The following ANTXR1 variants were observed in gnomAD, a reference collection of about 807,000 sequenced individuals.
ANTXR1 encodes the protein ANTXR cell adhesion molecule 1, also known as anthrax toxin receptor 1.
ANTXR1 carries 19 observed loss-of-function variants against 78.1 expected under a neutral mutation model. The observed-to-expected ratio is 0.24, with a 90% CI of 0.17 to 0.36. ANTXR1 has a LOEUF of 0.36. Among genes scored for constraint, ANTXR1 ranks in the 10% least tolerant of loss-of-function variants. The probability of loss-of-function intolerance (pLI) is 1.00; values close to 1 mark genes in which losing one functional copy is unlikely to be tolerated. For missense variants in ANTXR1, 518 were observed against 718.6 expected (o/e 0.72, Z 3.19); for synonymous variants, 273 against 260.5 (o/e 1.05, Z -0.46).
intron 14 of ANTXR1, among the ~76,000 whole-genome samples, chr2:69,177,550 T>G (rs768201503): frequency 1.8e-4 from 27 of 152,322 alleles, no homozygotes; most frequent in African/African-American, 6.5e-4. Flanking sequence ...GCTGGACGTC[T>G]GGAGCCACCA....
intron 17 of ANTXR1, among the ~76,000 whole-genome samples, chr2:69,197,320 AC>A (rs1674688936): frequency 6.6e-6 from 1 of 152,064 alleles, no homozygotes; most frequent in African/African-American, 2.4e-5. Context: ...ACCTCAACAC[AC>A]CATGCCTCCA....
intron 17 of ANTXR1, among the ~76,000 whole-genome samples, chr2:69,222,616 C>T (rs916605934): frequency 1.3e-5 from 2 of 152,170 alleles, no homozygotes; most frequent in Non-Finnish European, 2.9e-5. Flanking sequence ...CGGAAGGGGG[C>T]TGGGGGTGAC....
chr2:69,040,388 T>C (rs1669579116), intron 2 of ANTXR1, among the ~76,000 whole-genome samples: 1 of 152,242 alleles, frequency 6.6e-6, no homozygotes, highest in African/African-American at 2.4e-5. Context: ...CCTATTCTTA[T>C]TACCTTTAAC....
Position 69,073,007 on chromosome 2 carries a change from T to C in ANTXR1, c.413-15T>C. The stretch of plus-strand genomic sequence containing the variant: ...GAGCAGGGTGGACTGAGCCAGTCTG[T>C]ATTGTGTTAAACAGGGTACAGGACA... On this transcript the variant is annotated splice_polypyrimidine_tract_variant and intron_variant, in intron 5 of 17. Transcript: ENST00000303714. The C allele has an allele frequency of 1.7e-5, 28 of 1,613,498 alleles. No individual in the cohort carries two copies. Among genetic ancestry groups the C allele is most frequent in the Non-Finnish European group, 2.4e-5 (28 of 1,179,392 alleles).
chr2:69,083,217 T>A (rs1171790669), intron 8 of ANTXR1, among the ~76,000 whole-genome samples: 1 of 152,200 alleles, frequency 6.6e-6, no homozygotes, highest in Non-Finnish European at 1.5e-5. Flanking sequence ...TGCAAAGGGT[T>A]TTCCTGTGAT....
intron 16 of ANTXR1, among the ~76,000 whole-genome samples, chr2:69,185,476 G>A (rs1674394225): frequency 6.6e-6 from 1 of 151,714 alleles, no homozygotes; most frequent in Admixed American, 6.6e-5. Context: ...GGAGGCAGAG[G>A]TTGCAGTGAG....
chr2:69,090,872 C>T lies in ANTXR1; in HGVS notation c.656C>T (p.Ser219Phe). The stretch of plus-strand genomic sequence containing the variant: ...CGCTCCTCCTAGATTTTGAAGAAGT[C>T]CTGCATCGAAATTCTAGCAGCTGAA... ...QGIIHSILKK[S>F]CIEILAAEPS... Residue 219 changes from serine to phenylalanine, a missense_variant, in exon 9 of 18, where the codon TCC becomes TTC. By Grantham distance (155) the Ser-to-Phe change is radical (BLOSUM62 -2). This residue lies in a region of ANTXR1 where 264 missense variants were observed against 391.8 expected (regional missense o/e 0.67). Transcript: ENST00000303714. 6.2e-7 allele frequency: 1 copy of T among 1,613,168 alleles called. No homozygotes were observed. Among genetic ancestry groups the T allele is most frequent in the Non-Finnish European group, 8.5e-7 (1 of 1,179,998 alleles).
At chr2:69,203,076 AAACAATT>A (rs68114961) in intron 17 of ANTXR1, among the ~76,000 whole-genome samples, 48,746 of 151,724 alleles carry the variant, frequency 0.32, 9,817 homozygotes, top group East Asian at 0.78. Context: ...CTTGCACAAT[AAACAATT>A]AAGTTTACAT....
chr2:69,013,214 C>G lies in ANTXR1; in HGVS notation c.-286C>G, dbSNP rs1034858684. On this transcript the variant is annotated 5_prime_UTR_variant, in exon 1 of 18. Transcript: ENST00000303714. This position sits in a 1 kb window ranked among gnomAD's most constrained non-coding sequence, Gnocchi z 5.0. ...TTCCATTGCAAAAGCTCGGCGCGGC[C>G]TCGGGAGCTGCCCGGCGGCCCCGGA... is the stretch of plus-strand genomic sequence containing the variant. The G allele has an allele frequency of 1.1e-5, 5 of 455,450 alleles. No individual in the cohort carries two copies. Among genetic ancestry groups the G allele is most frequent in the African/African-American group, 2.1e-5 (1 of 48,164 alleles). 28.2% of individuals were successfully genotyped at this position (455,450 alleles called of 1,614,324 possible). A position where few individuals can be genotyped will look rare whatever the true frequency, so the allele number is the denominator to read the frequency against.
chr2:69,151,487 G>T (rs1208388149), intron 12 of ANTXR1, among the ~76,000 whole-genome samples: 1 of 152,038 alleles, frequency 6.6e-6, no homozygotes, highest in African/African-American at 2.4e-5. Flanking sequence ...GTTAGACATC[G>T]CAGTCCACAG....
chr2:69,244,950 G>A (rs1201290026), intron 17 of ANTXR1, among the ~76,000 whole-genome samples: 1 of 152,110 alleles, frequency 6.6e-6, no homozygotes, highest in Non-Finnish European at 1.5e-5. Context: ...AATGACCTCT[G>A]TACACAGCAC....
chr2:69,158,767 G>A (rs1415592625), intron 13 of ANTXR1, among the ~76,000 whole-genome samples: 1 of 152,160 alleles, frequency 6.6e-6, no homozygotes, highest in Non-Finnish European at 1.5e-5. Flanking sequence ...CACATTTAAG[G>A]TTGGCTAGGC....
At chr2:69,028,608 A>G (rs2104020477) in intron 1 of ANTXR1, among the ~76,000 whole-genome samples, 1 of 152,308 alleles carries the variant, frequency 6.6e-6, no homozygotes, top group Non-Finnish European at 1.5e-5. Flanking sequence ...TTAAAAATAT[A>G]AAATATAATA....
intron 10 of ANTXR1, among the ~76,000 whole-genome samples, chr2:69,121,829 A>G (rs2104372704): frequency 6.6e-6 from 1 of 152,278 alleles, no homozygotes; most frequent in South Asian, 2.1e-4. Context: ...ACTATTATAT[A>G]CTTAGTATAA....
intron 3 of ANTXR1, among the ~76,000 whole-genome samples, chr2:69,065,850 C>T (rs918809280): frequency 6.6e-6 from 1 of 152,126 alleles, no homozygotes; most frequent in Non-Finnish European, 1.5e-5. Flanking sequence ...TTCTTATAGT[C>T]AACAATTGGA....
intron 14 of ANTXR1, among the ~76,000 whole-genome samples, chr2:69,175,700 G>A (rs1375847234): frequency 6.6e-6 from 1 of 152,128 alleles, no homozygotes; most frequent in Non-Finnish European, 1.5e-5. Flanking sequence ...GGTGAGAGTG[G>A]GAAAGGATGT....
intron 17 of ANTXR1, among the ~76,000 whole-genome samples, chr2:69,231,023 A>G (rs1348344478): frequency 6.6e-6 from 1 of 152,126 alleles, no homozygotes; most frequent in Non-Finnish European, 1.5e-5. Context: ...AGTTCTTATT[A>G]TTTAGCTCCC....
chr2:69,138,943 T>G (rs1284795083), intron 12 of ANTXR1, among the ~76,000 whole-genome samples: 1 of 152,200 alleles, frequency 6.6e-6, no homozygotes, highest in Non-Finnish European at 1.5e-5. Flanking sequence ...AAGCTCAAGA[T>G]TCTTGAGATT....
intron 17 of ANTXR1, among the ~76,000 whole-genome samples, chr2:69,233,082 T>C (rs1167326346): frequency 6.6e-6 from 1 of 152,070 alleles, no homozygotes; most frequent in Non-Finnish European, 1.5e-5. Flanking sequence ...GTACAAAACC[T>C]GAATAAATCA....
Sources: gnomAD v4.1 joint callset for allele counts (sites outside exome capture counted in the v4.1 genomes callset) on GRCh38, gnomAD v4.1.1 for gene constraint, gnomAD v4.1.1 regional missense constraint, Gnocchi (gnomAD v3.1) non-coding constraint, MANE v1.5 for transcripts, NCBI Gene and HGNC (gene_info 2026-07-23, HGNC 2026-07-21) for gene names.